The following NAALADL2 variants were observed in gnomAD, a reference collection of about 807,000 sequenced individuals.
NAALADL2 encodes the protein inactive N-acetylated-alpha-linked acidic dipeptidase-like protein 2.
A neutral mutation model predicts 87.2 loss-of-function variants in NAALADL2; 76 were observed. That is an observed-to-expected ratio of 0.87 (90% confidence interval 0.72 to 1.05). NAALADL2 has a LOEUF of 1.05. Ranked by LOEUF, NAALADL2 falls within the 50% of genes least tolerant of loss-of-function variation. The pLI is 0.00. For synonymous variants in NAALADL2, 354 were observed against 331.0 expected (o/e 1.07, Z -0.75); for missense variants, 1,089 against 945.8 (o/e 1.15, Z -1.99).
At chr3:175,315,387 A>T (rs2110343962) in intron 4 of NAALADL2, among the ~76,000 whole-genome samples, 1 of 152,256 alleles carries the variant, frequency 6.6e-6, no homozygotes, top group South Asian at 2.1e-4. Context: ...TGTAATGTGA[A>T]ATATTTATAT....
intron 1 of NAALADL2, among the ~76,000 whole-genome samples, chr3:175,003,624 C>T (rs1335978443): frequency 6.6e-6 from 1 of 152,080 alleles, no homozygotes; most frequent in Non-Finnish European, 1.5e-5. Context: ...TGTGTCTGAT[C>T]TCATTACATA....
intron 2 of NAALADL2, among the ~76,000 whole-genome samples, chr3:175,204,768 G>A (rs1740572065): frequency 6.6e-6 from 1 of 151,926 alleles, no homozygotes; most frequent in Non-Finnish European, 1.5e-5. Context: ...AGATTAATGT[G>A]CACAAATCAG....
At chr3:175,748,407 C>T (rs779903256) in intron 12 of NAALADL2, among the ~76,000 whole-genome samples, 1 of 152,154 alleles carries the variant, frequency 6.6e-6, no homozygotes, top group Admixed American at 6.5e-5. Context: ...TTTAAGATGA[C>T]ATTAGGTAAT....
intron 1 of NAALADL2, among the ~76,000 whole-genome samples, chr3:174,959,238 C>A (rs1359529486): frequency 1.3e-5 from 2 of 152,020 alleles, no homozygotes; most frequent in Non-Finnish European, 2.9e-5. Flanking sequence ...ACTCAGCTGA[C>A]ATGATGTTAC....
intron 10 of NAALADL2, among the ~76,000 whole-genome samples, chr3:175,599,725 T>G (rs935162948): frequency 6.6e-6 from 1 of 152,200 alleles, no homozygotes; most frequent in East Asian, 1.9e-4. Context: ...ATAGCTTTAC[T>G]CAGTAACAGA....
chr3:175,481,679 C>T (rs1380737644), intron 9 of NAALADL2, among the ~76,000 whole-genome samples: 1 of 151,792 alleles, frequency 6.6e-6, no homozygotes, highest in Non-Finnish European at 1.5e-5. Context: ...CATAATAGCC[C>T]AAACAACCTA....
chr3:175,763,633 C>A (rs770041394), intron 13 of NAALADL2, among the ~76,000 whole-genome samples: 12 of 152,178 alleles, frequency 7.9e-5, no homozygotes, highest in Non-Finnish European at 1.5e-4. Context: ...GATTTCAAAA[C>A]TGCTCCACAC....
At chr3:174,796,453 C>T (rs1224712446) in intron 3 of NAALADL2, among the ~76,000 whole-genome samples, 2 of 152,022 alleles carry the variant, frequency 1.3e-5, no homozygotes, top group African/African-American at 2.4e-5. Flanking sequence ...TTAGCTCCCA[C>T]GTGTAAGTGA....
intron 2 of NAALADL2, among the ~76,000 whole-genome samples, chr3:174,722,830 A>G (rs1731829339): frequency 6.6e-6 from 1 of 152,250 alleles, no homozygotes; most frequent in Non-Finnish European, 1.5e-5. Flanking sequence ...TAAAAACAAC[A>G]TAATTACCTT....
intron 4 of NAALADL2, among the ~76,000 whole-genome samples, chr3:175,291,315 T>A (rs1755610207): frequency 6.6e-6 from 1 of 152,176 alleles, no homozygotes. Flanking sequence ...GTTCTTTCGA[T>A]CTAAATTAGA....
At chr3:175,320,049 A>C (rs1759648554) in intron 4 of NAALADL2, among the ~76,000 whole-genome samples, 1 of 152,194 alleles carries the variant, frequency 6.6e-6, no homozygotes, top group African/African-American at 2.4e-5. Context: ...AACTAAAGTC[A>C]CACAACGAGC....
intron 2 of NAALADL2, among the ~76,000 whole-genome samples, chr3:175,144,913 T>G (rs553115948): frequency 2.0e-5 from 3 of 152,048 alleles, no homozygotes; most frequent in Non-Finnish European, 4.4e-5. Context: ...ATCCTGTATG[T>G]TTTCAATACA....
At chr3:174,864,746 T>C (rs746646548) in intron 1 of NAALADL2, among the ~76,000 whole-genome samples, 20 of 152,104 alleles carry the variant, frequency 1.3e-4, no homozygotes, top group Admixed American at 4.6e-4. Flanking sequence ...CTCTGGATTT[T>C]GGAAGGAGTT....
chr3:175,586,801 T>C (rs1720601192), intron 10 of NAALADL2, among the ~76,000 whole-genome samples: 1 of 152,228 alleles, frequency 6.6e-6, no homozygotes, highest in East Asian at 1.9e-4. Context: ...ATATAATTAA[T>C]ACAACCATAA....
chr3:175,715,221 T>TA, intron 11 of NAALADL2, among the ~76,000 whole-genome samples: 1 of 152,280 alleles, frequency 6.6e-6, no homozygotes, highest in Non-Finnish European at 1.5e-5. Context: ...GATCCAGGGT[T>TA]AAAATCCAGA....
Position 174,792,339 on chromosome 3 carries a change from G to A in NAALADL2, c.-9+54593G>A, listed in dbSNP as rs1418864610. On this transcript the variant is annotated intron_variant, in intron 3 of 3. Coordinates refer to the NAALADL2 transcript ENST00000434257. Reference sequence around the variant, plus strand: ...AGGAAGGAAGGAAGGAAATTTTTGTGGTAGGCTGTACTGATTTTGTTATTT... The same window carrying A: ...AGGAAGGAAGGAAGGAAATTTTTGTAGTAGGCTGTACTGATTTTGTTATTT... 2.6e-5 allele frequency among the ~76,000 whole-genome samples: 4 copies of A among 152,052 alleles called. 1 individual carries two copies. The highest frequency in any genetic ancestry group is 1.3e-4 in the Admixed American group (2 of 15,254).
At chr3:175,020,114 G>C (rs1272726480) in intron 1 of NAALADL2, among the ~76,000 whole-genome samples, 1 of 152,054 alleles carries the variant, frequency 6.6e-6, no homozygotes, top group Non-Finnish European at 1.5e-5. Flanking sequence ...GGGACATGCA[G>C]AGCATTTAGT....
At chr3:175,156,716 A>T (rs1007375781) in intron 2 of NAALADL2, among the ~76,000 whole-genome samples, 1 of 152,110 alleles carries the variant, frequency 6.6e-6, no homozygotes, top group African/African-American at 2.4e-5. Flanking sequence ...GAACTAGCTC[A>T]TCTAGCAATA....
intron 2 of NAALADL2, among the ~76,000 whole-genome samples, chr3:175,220,110 A>T (rs990088292): frequency 1.3e-5 from 2 of 151,308 alleles, no homozygotes; most frequent in African/African-American, 4.8e-5. Context: ...TTGTCTTTTT[A>T]TATAAATACA....
Sources: allele counts gnomAD v4.1 joint callset (sites outside exome capture counted in the v4.1 genomes callset), GRCh38; gene constraint gnomAD v4.1.1; transcripts MANE v1.5; gene names NCBI Gene and HGNC (gene_info 2026-07-23, HGNC 2026-07-21).